SLC22A24: variants seen among roughly 807,000 people sequenced by gnomAD.
SLC22A24 encodes the protein solute carrier family 22 member 24.
In SLC22A24, 53 loss-of-function variants were observed where a neutral mutation model predicts 49.8. That is an observed-to-expected ratio of 1.06 (90% confidence interval 0.85 to 1.34). The LOEUF (loss-of-function observed/expected upper bound fraction) is 1.34. Ranked by LOEUF, SLC22A24 falls within the 40% of genes most tolerant of loss-of-function variation. SLC22A24 has a pLI of 0.00. For missense variants in SLC22A24, 786 were observed against 675.9 expected (o/e 1.16, Z -1.81); for synonymous variants, 302 against 256.4 (o/e 1.18, Z -1.70).
Position 63,109,441 on chromosome 11 carries a change from G to A in SLC22A24, c.831-5143C>T, listed in dbSNP as rs996358116. On this transcript the variant is annotated intron_variant, in intron 4 of 9. Coordinates refer to ENST00000612278, the MANE Select transcript of SLC22A24 (RefSeq NM_001136506.2). ...CGCCACACTGACTTCCACAATGGTT[G>A]AACTAGTTTACAGTCCCACCAACAG... 4.8e-5 allele frequency among the ~76,000 whole-genome samples: 7 copies of A among 145,020 alleles called. No homozygotes were observed. In the Admixed American group the frequency reaches 4.9e-4, roughly 10 times the overall value.
chr11:63,128,183 A>G (rs2087306270), intron 2 of SLC22A24, among the ~76,000 whole-genome samples: 1 of 152,038 alleles, frequency 6.6e-6, no homozygotes, highest in East Asian at 1.9e-4. Flanking sequence ...ATAACTTAGG[A>G]GAAACCAGGC....
At chr11:63,093,533 T>A (rs1337827823) in intron 6 of SLC22A24, among the ~76,000 whole-genome samples, 1 of 152,064 alleles carries the variant, frequency 6.6e-6, no homozygotes, top group African/African-American at 2.4e-5. Flanking sequence ...TGGAATGATG[T>A]CCTTTGCAGG....
intron 5 of SLC22A24, among the ~76,000 whole-genome samples, chr11:63,096,668 A>G (rs939492825): frequency 1.3e-5 from 2 of 152,194 alleles, no homozygotes; most frequent in Non-Finnish European, 2.9e-5. Context: ...ATACCCAGTA[A>G]TGGGATTGCT....
intron 4 of SLC22A24, among the ~76,000 whole-genome samples, chr11:63,105,697 G>A (rs1405255678): frequency 2.6e-5 from 4 of 151,850 alleles, no homozygotes; most frequent in Non-Finnish European, 4.4e-5. Flanking sequence ...TTTCTCCTAG[G>A]TAAATAGGCC....
intron 1 of SLC22A24, among the ~76,000 whole-genome samples, chr11:63,138,031 G>T (rs184204793): frequency 1.3e-5 from 2 of 152,170 alleles, no homozygotes; most frequent in African/African-American, 4.8e-5. Context: ...GGTATAGTTT[G>T]TGCTAAGAAT....
At chr11:63,135,953 A>T (rs1288378136) in intron 1 of SLC22A24, among the ~76,000 whole-genome samples, 1 of 152,224 alleles carries the variant, frequency 6.6e-6, no homozygotes, top group Non-Finnish European at 1.5e-5. Context: ...ATCCTCTTAC[A>T]ACTACGCAAG....
At chr11:63,139,207 C>T (rs2087397283) in intron 1 of SLC22A24, among the ~76,000 whole-genome samples, 1 of 151,926 alleles carries the variant, frequency 6.6e-6, no homozygotes, top group Non-Finnish European at 1.5e-5. Flanking sequence ...ACTCTTAATG[C>T]ACACACGAGG....
Position 63,105,015 on chromosome 11 carries a change from C to G in SLC22A24, c.831-717G>C, listed in dbSNP as rs188661214. On this transcript the variant is annotated intron_variant, in intron 4 of 9. Coordinates refer to ENST00000612278, the MANE Select transcript of SLC22A24 (RefSeq NM_001136506.2). ...ATGGGGGTATAGCAGTGGATTTGACCAAAATGAAGGGGCTGCAGGCCCCAT... is the reference window on the plus strand; with the variant it reads ...ATGGGGGTATAGCAGTGGATTTGACGAAAATGAAGGGGCTGCAGGCCCCAT... Among the ~76,000 whole-genome samples, 835 of 152,266 alleles carry G rather than the reference C, an allele frequency of 5.5e-3. 6 individuals are homozygous for G. Among genetic ancestry groups the G allele is most frequent in the Non-Finnish European group, 7.9e-3 (535 of 68,020 alleles).
In SLC22A24 at chr11:63,080,011, G is replaced by C. The variant is rs764440410; in HGVS notation, c.1599-11C>G. 6.6e-7 allele frequency: 1 copy of C among 1,503,906 alleles called. No individual in the cohort carries two copies. Among genetic ancestry groups the C allele is most frequent in the South Asian group, 1.2e-5 (1 of 82,930 alleles). The allele number at this position is 1,503,906 out of a possible 1,614,324, so 93.2% of individuals were successfully genotyped here. ...CTTGAATCTTTTCTGCTGAGAAATA[G>C]AAATGCAAACAAAAACAAGATTAAG... On this transcript the variant is annotated splice_polypyrimidine_tract_variant and intron_variant, in intron 9 of 9. Transcript: ENST00000612278.
intron 6 of SLC22A24, among the ~76,000 whole-genome samples, chr11:63,083,718 A>G (rs1440635741): frequency 1.3e-5 from 2 of 152,218 alleles, no homozygotes; most frequent in Non-Finnish European, 1.5e-5. Flanking sequence ...CTGGGTCCTG[A>G]AGAAAAGAGA....
rs1272777207 is a variant in SLC22A24 at position 63,081,628 on chromosome 11, T to G, written c.1324A>C (p.Ile442Leu). 6.4e-7 allele frequency: 1 copy of G among 1,551,570 alleles called. No individual in the cohort carries two copies. Among genetic ancestry groups the G allele is most frequent in the African/African-American group, 1.4e-5 (1 of 73,162 alleles). ...TTGCTAGCAGCAGAAACACTACCAA[T>G]TCCCAAAGTTGCTAAAACCACACGC... ...ILRVVLATLG[I>L]GSVSAASNSA... Residue 442 changes from isoleucine (I) to leucine (L), a missense_variant, in exon 8 of 10, where the codon ATT (isoleucine) becomes CTT (leucine). Transcript: ENST00000612278.
intron 1 of SLC22A24, among the ~76,000 whole-genome samples, chr11:63,138,429 T>G (rs1266319985): frequency 6.6e-6 from 1 of 151,916 alleles, no homozygotes; most frequent in African/African-American, 2.4e-5. Flanking sequence ...GATCATAAGG[T>G]CAGGAGATCA....
Position 63,104,165 on chromosome 11 carries a change from T to C in SLC22A24, c.954+10A>G. On this transcript the variant is annotated intron_variant, in intron 5 of 9. Coordinates refer to ENST00000612278, the MANE Select transcript of SLC22A24 (RefSeq NM_001136506.2). ...TTAATCACAGCAATCATTTCCCCTT[T>C]CCAGATCACCTCAGTGGTCAGTGTC... 2 of 1,548,772 alleles carry C rather than the reference T, an allele frequency of 1.3e-6. No homozygotes were observed. The highest frequency in any genetic ancestry group is 1.7e-6 in the Non-Finnish European group (2 of 1,146,746).
chr11:63,117,474 G>T (rs1238179791), intron 4 of SLC22A24, among the ~76,000 whole-genome samples: 1 of 152,096 alleles, frequency 6.6e-6, no homozygotes, highest in Non-Finnish European at 1.5e-5. Flanking sequence ...TGCATATGCA[G>T]AGCCCCAAGA....
chr11:63,113,523 G>C (rs2087190260), intron 4 of SLC22A24, among the ~76,000 whole-genome samples: 1 of 151,928 alleles, frequency 6.6e-6, no homozygotes, highest in Admixed American at 6.6e-5. Flanking sequence ...AGCTTAGTTT[G>C]GCTGTATATG....
In SLC22A24 at chr11:63,109,067, G is replaced by A. The variant is rs370030586; in HGVS notation, c.831-4769C>T. ...TGTGTCCATGTGTTCTCATTGTTCA[G>A]TTCCCACCTATGAGTGAGAATATGT... On this transcript the variant is annotated intron_variant, in intron 4 of 9. Coordinates refer to ENST00000612278, the MANE Select transcript of SLC22A24 (RefSeq NM_001136506.2). 3.2e-3 allele frequency among the ~76,000 whole-genome samples: 461 copies of A among 144,984 alleles called. 9 individuals carry two copies. The East Asian group carries it at 0.068, about 21-fold the overall frequency.
At chr11:63,128,620 G>C (rs1030499881) in intron 2 of SLC22A24, among the ~76,000 whole-genome samples, 1 of 152,166 alleles carries the variant, frequency 6.6e-6, no homozygotes, top group African/African-American at 2.4e-5. Context: ...ATTAGTGAAA[G>C]TACTAAAAGT....
intron 2 of SLC22A24, among the ~76,000 whole-genome samples, chr11:63,133,478 A>C (rs897466620): frequency 1.3e-5 from 2 of 152,066 alleles, no homozygotes; most frequent in African/African-American, 4.8e-5. Flanking sequence ...TTAAATAAAG[A>C]CTGTCAGATG....
rs2087434091 is a variant in SLC22A24 at position 63,143,830 on chromosome 11, G to A, written c.-51C>T. On this transcript the variant is annotated 5_prime_UTR_variant, in exon 1 of 10. Coordinates refer to ENST00000612278, the MANE Select transcript of SLC22A24 (RefSeq NM_001136506.2). ...AGGAAGCACAATGACTTTATGAAGA[G>A]AAGTTCAGAGGGAGAAAATGTCCCC... 7.7e-7 allele frequency: 1 copy of A among 1,299,002 alleles called. No individual in the cohort carries two copies. Among genetic ancestry groups the A allele is most frequent in the Non-Finnish European group, 9.8e-7 (1 of 1,016,832 alleles). The allele number at this position is 1,299,002 out of a possible 1,614,324, so 80.5% of individuals were successfully genotyped here.
Sources: gnomAD v4.1 joint callset for allele counts (sites outside exome capture counted in the v4.1 genomes callset) on GRCh38, gnomAD v4.1.1 for gene constraint, MANE v1.5 for transcripts, NCBI Gene and HGNC (gene_info 2026-07-23, HGNC 2026-07-21) for gene names.